The following ABCA8 variants were observed in gnomAD, a reference collection of about 807,000 sequenced individuals.
ABCA8 encodes ABC-type organic anion transporter ABCA8.
Under a neutral mutation model 192.3 loss-of-function variants are expected in ABCA8, and 177 were observed. The observed-to-expected ratio is 0.92, with a 90% CI of 0.81 to 1.04. ABCA8 has a LOEUF of 1.04. ABCA8 is among the 50% of genes least tolerant of loss of function. The pLI is 0.00. For missense variants in ABCA8, 1,915 were observed against 1,904.8 expected (o/e 1.01, Z -0.10); for synonymous variants, 642 against 690.2 (o/e 0.93, Z 1.09).
chr17:68,935,540 C>CTATCTATATA (rs747035477), intron 5 of ABCA8, among the ~76,000 whole-genome samples: 2 of 87,290 alleles, frequency 2.3e-5, no homozygotes, highest in African/African-American at 9.4e-5. Context: ...AGTAGTATTC[C>CTATCTATATA]TATATATATA....
intron 25 of ABCA8, 41 bp from the exon 26 acceptor site, chr17:68,887,171 G>T: frequency 6.9e-7 from 1 of 1,449,394 alleles, no homozygotes; most frequent in Non-Finnish European, 9.4e-7. Flanking sequence ...AAATACAAAT[G>T]CAATCAAGGA....
In ABCA8 at chr17:68,897,026, G is replaced by A. The variant is rs189960698; in HGVS notation, c.2765-2013C>T. On this transcript the variant is annotated intron_variant, in intron 21 of 39. Transcript: ENST00000586539. Reference sequence around the variant, plus strand: ...GTTCTTATGGATGGCCATTAGTTTGGTACTATCTGTGGTTTCAGGCATCTG... The same window carrying A: ...GTTCTTATGGATGGCCATTAGTTTGATACTATCTGTGGTTTCAGGCATCTG... 2.1e-3 allele frequency among the ~76,000 whole-genome samples: 325 copies of A among 152,294 alleles called. 1 individual carries two copies. Among genetic ancestry groups the A allele is most frequent in the Admixed American group, 4.4e-3 (68 of 15,298 alleles).
At chr17:68,934,542 G>C (rs955545561) in intron 5 of ABCA8, among the ~76,000 whole-genome samples, 2 of 152,324 alleles carry the variant, frequency 1.3e-5, no homozygotes, top group Admixed American at 6.5e-5. Context: ...GGTGAGAAAA[G>C]ATGAAGAACT....
chr17:68,870,174 A>C (rs1276713324), intron 37 of ABCA8, among the ~76,000 whole-genome samples: 1 of 151,910 alleles, frequency 6.6e-6, no homozygotes, highest in African/African-American at 2.4e-5. Context: ...CTTCATAAAA[A>C]CTCCATAACC....
At chr17:68,872,114 A>G (rs1481883818) in intron 37 of ABCA8, among the ~76,000 whole-genome samples, 1 of 152,060 alleles carries the variant, frequency 6.6e-6, no homozygotes, top group East Asian at 1.9e-4. Flanking sequence ...TCATGCTGCT[A>G]TAAAGACACA....
In ABCA8 at chr17:68,944,316, T is replaced by TAATATATATATA. The variant is rs1226746677; in HGVS notation, c.-5-2278_-5-2277insTATATATATATT. ...AGCACATGTAGCCCAGAACTTAAAG[T>TAATATATATATA]TATATATATATATATATATATATAT... On this transcript the variant is annotated intron_variant, in intron 2 of 39. Transcript: ENST00000586539. Among the ~76,000 whole-genome samples the TAATATATATATA allele has an allele frequency of 1.4e-3, 42 of 29,258 alleles. 1 individual carries two copies. Among genetic ancestry groups the TAATATATATATA allele is most frequent in the Admixed American group, 1.7e-3 (4 of 2,298 alleles). The allele number at this position is 29,258 out of a possible 152,430, so 19.2% of individuals were successfully genotyped here.
chr17:68,884,810 ATCAG>A (rs1371686116), intron 27 of ABCA8: 3 of 985,284 alleles, frequency 3.0e-6, no homozygotes, highest in African/African-American at 3.5e-5. Context: ...AGGTATAGGT[ATCAG>A]TCAGCCAGAA....
chr17:68,888,073 A>G (rs1053702192), intron 24 of ABCA8, among the ~76,000 whole-genome samples: 2 of 147,824 alleles, frequency 1.4e-5, no homozygotes, highest in Non-Finnish European at 3.0e-5. Flanking sequence ...TACACACTCC[A>G]TATATATACA....
At chr17:68,938,594 C>T (rs1158045834) in intron 4 of ABCA8, among the ~76,000 whole-genome samples, 4 of 152,084 alleles carry the variant, frequency 2.6e-5, no homozygotes, top group African/African-American at 9.7e-5. Flanking sequence ...GGATGTAATT[C>T]ACATACCATA....
intron 32 of ABCA8, chr17:68,878,229 G>A (rs1445327090): frequency 6.6e-6 from 1 of 152,290 alleles, no homozygotes; most frequent in Non-Finnish European, 1.5e-5. Flanking sequence ...GAATAACTGG[G>A]GAAGTGGCAG....
intron 4 of ABCA8, among the ~76,000 whole-genome samples, chr17:68,938,359 A>G (rs997292139): frequency 2.6e-5 from 4 of 152,136 alleles, no homozygotes; most frequent in African/African-American, 4.8e-5. Flanking sequence ...AATCCAGTGA[A>G]GGGGTCAGAA....
chr17:68,868,389 AT>A (rs2143166448), intron 38 of ABCA8, 33 bp from the exon 39 acceptor site: 1 of 1,564,002 alleles, frequency 6.4e-7, no homozygotes, highest in East Asian at 2.2e-5. Context: ...TAGTTCATAT[AT>A]TTCATATCTA....
intron 23 of ABCA8, among the ~76,000 whole-genome samples, chr17:68,893,556 C>T (rs4246431): frequency 0.83 from 125,960 of 151,818 alleles, 52,862 homozygotes; most frequent in East Asian, 1. Flanking sequence ...AATAAAGCCC[C>T]TTCCTTCATT....
chr17:68,884,010 C>T, intron 28 of ABCA8, 128 bp from the exon 29 acceptor site: 1 of 663,996 alleles, frequency 1.5e-6, no homozygotes, highest in East Asian at 3.0e-5. Context: ...TCCTAATAAC[C>T]TATCCAGCAA....
intron 22 of ABCA8, chr17:68,894,676 C>T: frequency 1.7e-5 from 10 of 578,386 alleles, no homozygotes; most frequent in Non-Finnish European, 2.9e-5. Context: ...AGTAGGTATT[C>T]TATAGTATGT....
chr17:68,876,467 G>A lies in ABCA8; in HGVS notation c.4363C>T (p.Gln1455Ter), dbSNP rs1416854658. 3 of 1,613,820 alleles carry A rather than the reference G, an allele frequency of 1.9e-6. No individual in the cohort carries two copies. The highest frequency in any genetic ancestry group is 1.3e-5 in the African/African-American group (1 of 74,902). ...STGMDPEGQQ[Q>*]MWQAIRATFR... ...CGTGGTAATGTTCCTCACCACATTT[G>A]CTGCTGCCCCTCGGGGTCCATCCCG... Residue 1455 changes from glutamine to a stop codon, truncating the protein, a stop_gained, in exon 35 of 40, where the codon CAA becomes TAA. Transcript: ENST00000586539. LOFTEE classifies it high-confidence loss of function.
Position 68,929,233 on chromosome 17 carries a change from A to G in ABCA8, c.941T>C (p.Val314Ala), listed in dbSNP as rs899530253. 6.3e-7 allele frequency: 1 copy of G among 1,584,468 alleles called. No homozygotes were observed. The highest frequency in any genetic ancestry group is 8.6e-7 in the Non-Finnish European group (1 of 1,166,760). The change falls in exon 9 of 40, where the codon GTA becomes GCA. Residue 314 changes from valine to alanine, a missense_variant and splice_region_variant. Transcript: ENST00000586539. ...GATGCTCATTAAGAAAGCCAAAGCT[A>G]CCTAAAATGAGAGAAGATCTAGTTG... ...SLFLLYGLSL[V>A]ALAFLMSILV...
chr17:68,949,947 A>C (rs1398714672), intron 1 of ABCA8, among the ~76,000 whole-genome samples: 1 of 152,238 alleles, frequency 6.6e-6, no homozygotes, highest in Non-Finnish European at 1.5e-5. Flanking sequence ...TGGCCAGTGC[A>C]ATCAGGCAAG....
chr17:68,891,977 A>C (rs2066632083), intron 23 of ABCA8, among the ~76,000 whole-genome samples: 1 of 152,204 alleles, frequency 6.6e-6, no homozygotes, highest in South Asian at 2.1e-4. Flanking sequence ...AATATCCAAC[A>C]TTTTATGGGT....
Sources: gnomAD v4.1 joint callset for allele counts (sites outside exome capture counted in the v4.1 genomes callset) on GRCh38, gnomAD v4.1.1 for gene constraint, MANE v1.5 for transcripts, NCBI Gene and HGNC (gene_info 2026-07-23, HGNC 2026-07-21) for gene names.